Variants in LURAP1L observed in about 807,000 individuals in gnomAD.
LURAP1L encodes the protein leucine rich adaptor protein 1-like.
LURAP1L carries 12 observed loss-of-function variants against 13.8 expected under a neutral mutation model. The observed-to-expected ratio is 0.87, with a 90% CI of 0.56 to 1.41. The LOEUF is 1.41. Ranked by LOEUF, LURAP1L falls within the 40% of genes most tolerant of loss-of-function variation. The pLI, the probability that LURAP1L is intolerant of heterozygous loss-of-function variation, is 0.00. For synonymous variants in LURAP1L, 139 were observed against 119.2 expected, an observed-to-expected ratio of 1.17 and a Z score of -1.08; for missense variants, 375 against 292.9, an observed-to-expected ratio of 1.28 and a Z score of -2.04.
chr9:12,783,060 T>G (rs756895870), intron 1 of LURAP1L, among the ~76,000 whole-genome samples: 4 of 152,194 alleles, frequency 2.6e-5, no homozygotes, highest in Non-Finnish European at 5.9e-5. Flanking sequence ...ATGTTAATTT[T>G]GTATCCTACA....
At chr9:12,776,324 A>T (rs548339921) in intron 1 of LURAP1L, among the ~76,000 whole-genome samples, 1 of 152,320 alleles carries the variant, frequency 6.6e-6, no homozygotes, top group Admixed American at 6.5e-5. Flanking sequence ...TTTAGCTGCC[A>T]GCCCGTAGCC....
At chr9:12,810,513 A>T (rs1193502294) in intron 1 of LURAP1L, among the ~76,000 whole-genome samples, 7 of 152,108 alleles carry the variant, frequency 4.6e-5, no homozygotes, top group Admixed American at 3.9e-4. Flanking sequence ...TTAGCCCTTC[A>T]CATATCAGAC....
At chr9:12,785,548 A>G (rs369196304) in intron 1 of LURAP1L, among the ~76,000 whole-genome samples, 2 of 152,202 alleles carry the variant, frequency 1.3e-5, no homozygotes, top group Non-Finnish European at 2.9e-5. Context: ...GACTTCTGGC[A>G]TAGAAAATTC....
At chr9:12,795,621 A>T (rs1227347207) in intron 1 of LURAP1L, among the ~76,000 whole-genome samples, 1 of 152,066 alleles carries the variant, frequency 6.6e-6, no homozygotes, top group East Asian at 1.9e-4. Context: ...AATCAGCCTA[A>T]TTAATAAAGA....
At chr9:12,797,104 A>G (rs1016684974) in intron 1 of LURAP1L, among the ~76,000 whole-genome samples, 6 of 152,080 alleles carry the variant, frequency 3.9e-5, no homozygotes, top group Non-Finnish European at 1.5e-5. Context: ...AAGCAATAAG[A>G]AAAACAACAT....
intron 1 of LURAP1L, among the ~76,000 whole-genome samples, chr9:12,809,192 C>CA (rs1276558229): frequency 1.4e-4 from 22 of 152,196 alleles, no homozygotes; most frequent in African/African-American, 5.3e-4. Flanking sequence ...CACCTCCTAC[C>CA]AGGCCCCACC....
rs924195934 is a variant in LURAP1L, at chr9:12,777,507, G to A, written c.312+1480G>A. 3.0e-6 allele frequency: 3 copies of A among 984,116 alleles called. No individual in the cohort carries two copies. The African/African-American group carries it at 5.2e-5, about 17-fold the overall frequency. 61.0% of individuals were successfully genotyped at this position (984,116 alleles called of 1,614,324 possible). The stretch of plus-strand genomic sequence containing the variant: ...ATGAGGAAATTTTATTCCTAACCAT[G>A]TCTTCTGTAATTTTACCCATGGAAT... On this transcript the variant is annotated intron_variant, in intron 1 of 1. Coordinates refer to ENST00000319264, the MANE Select transcript of LURAP1L (RefSeq NM_203403.2).
At chr9:12,781,106 G>C (rs1819263890) in intron 1 of LURAP1L, among the ~76,000 whole-genome samples, 1 of 152,006 alleles carries the variant, frequency 6.6e-6, no homozygotes, top group Non-Finnish European at 1.5e-5. Flanking sequence ...CGAGTAGCTG[G>C]GATTACAGGC....
intron 1 of LURAP1L, among the ~76,000 whole-genome samples, chr9:12,805,690 G>A (rs1388017032): frequency 6.6e-6 from 1 of 152,168 alleles, no homozygotes; most frequent in African/African-American, 2.4e-5. Flanking sequence ...CATAAAACCA[G>A]ATTGCTAATT....
chr9:12,783,082 C>T (rs1422497747), intron 1 of LURAP1L, among the ~76,000 whole-genome samples: 1 of 151,984 alleles, frequency 6.6e-6, no homozygotes, highest in Non-Finnish European at 1.5e-5. Flanking sequence ...CTTTACTCAA[C>T]TTATCAGTTC....
intron 1 of LURAP1L, among the ~76,000 whole-genome samples, chr9:12,804,642 C>G (rs1048522447): frequency 4.0e-5 from 6 of 151,864 alleles, no homozygotes; most frequent in African/African-American, 1.5e-4. Flanking sequence ...CATGCCTGGT[C>G]CTCTGTTATT....
chr9:12,783,157 A>G (rs1402760850), intron 1 of LURAP1L, among the ~76,000 whole-genome samples: 2 of 152,052 alleles, frequency 1.3e-5, no homozygotes, highest in Non-Finnish European at 2.9e-5. Context: ...TGCAAATAAG[A>G]ATAATTTGAC....
intron 1 of LURAP1L, 23 bp from the exon 2 acceptor site, chr9:12,821,363 C>A (rs1394827473): frequency 6.3e-7 from 1 of 1,594,702 alleles, no homozygotes; most frequent in South Asian, 1.1e-5. Flanking sequence ...GCTGGAATAT[C>A]TTTCTTCTCT....
intron 1 of LURAP1L, among the ~76,000 whole-genome samples, chr9:12,813,929 C>T (rs761584796): frequency 6.6e-6 from 1 of 152,208 alleles, no homozygotes; most frequent in Non-Finnish European, 1.5e-5. Flanking sequence ...GTTTGCTATA[C>T]ATACAACAGT....
chr9:12,821,897 T>G lies in LURAP1L; in HGVS notation c.*137T>G. 2 of 984,744 alleles carry G rather than the reference T, an allele frequency of 2.0e-6. No individual in the cohort carries two copies. Among genetic ancestry groups the G allele is most frequent in the Non-Finnish European group, 3.0e-6 (2 of 668,182 alleles). 61.0% of individuals were successfully genotyped at this position (984,744 alleles called of 1,614,324 possible). ...AGCTGATTTTGAAACTGCTTAATGGTATTGCTGTTGCTCCTAATACTTCTC... is the reference window on the plus strand; with the variant it reads ...AGCTGATTTTGAAACTGCTTAATGGGATTGCTGTTGCTCCTAATACTTCTC... On this transcript the variant is annotated 3_prime_UTR_variant, in exon 2 of 2. Coordinates refer to ENST00000319264, the MANE Select transcript of LURAP1L (RefSeq NM_203403.2).
chr9:12,791,358 T>C (rs957537010), intron 1 of LURAP1L, among the ~76,000 whole-genome samples: 3 of 152,110 alleles, frequency 2.0e-5, no homozygotes, highest in Admixed American at 6.6e-5. Context: ...TTTTTGTCTC[T>C]ACGTGAACCT....
chr9:12,812,802 T>C (rs1586886804), intron 1 of LURAP1L, among the ~76,000 whole-genome samples: 1 of 152,320 alleles, frequency 6.6e-6, no homozygotes, highest in African/African-American at 2.4e-5. Flanking sequence ...CCTCTTATTT[T>C]AGAAATATAG....
intron 1 of LURAP1L, among the ~76,000 whole-genome samples, chr9:12,815,020 T>G (rs1404945891): frequency 1.3e-5 from 2 of 152,208 alleles, no homozygotes; most frequent in African/African-American, 2.4e-5. Context: ...GCTTTTCACC[T>G]GAAGCATTCC....
intron 1 of LURAP1L, among the ~76,000 whole-genome samples, chr9:12,792,496 C>G (rs994233536): frequency 8.5e-5 from 13 of 152,068 alleles, no homozygotes; most frequent in Admixed American, 4.6e-4. Flanking sequence ...ACATTTGCAG[C>G]ATACATTTAA....
Sources: allele counts gnomAD v4.1 joint callset (sites outside exome capture counted in the v4.1 genomes callset), GRCh38; gene constraint gnomAD v4.1.1; transcripts MANE v1.5; gene names NCBI Gene and HGNC (gene_info 2026-07-23, HGNC 2026-07-21).